The following MIPEP variants were observed in gnomAD, a reference collection of about 807,000 sequenced individuals.
The protein encoded by MIPEP is mitochondrial intermediate peptidase.
Under a neutral mutation model 90.3 loss-of-function variants are expected in MIPEP, and 79 were observed. That is an observed-to-expected ratio of 0.87 (90% confidence interval 0.73 to 1.05). MIPEP has a LOEUF of 1.05. MIPEP is among the 50% of genes least tolerant of loss of function. The probability of loss-of-function intolerance (pLI) is 0.00; values close to 1 mark genes in which losing one functional copy is unlikely to be tolerated. For synonymous variants in MIPEP, 334 were observed against 315.8 expected (o/e 1.06, Z -0.61); for missense variants, 940 against 905.6 (o/e 1.04, Z -0.49).
intron 16 of MIPEP, among the ~76,000 whole-genome samples, chr13:23,799,000 G>GTTTTTTTTTTTTT (rs765292524): frequency 1.1e-5 from 1 of 88,904 alleles, no homozygotes; most frequent in Non-Finnish European, 2.0e-5. Context: ...AATTTTTTTG[G>GTTTTTTTTTTTTT]TTTTTTTTTT....
intron 16 of MIPEP, among the ~76,000 whole-genome samples, chr13:23,770,415 G>A (rs1309067771): frequency 6.6e-6 from 1 of 152,104 alleles, no homozygotes; most frequent in Admixed American, 6.5e-5. Flanking sequence ...CTTCTCTGAT[G>A]AGTAAAAAAA....
intron 16 of MIPEP, among the ~76,000 whole-genome samples, chr13:23,772,475 C>G (rs890116934): frequency 6.6e-6 from 1 of 152,116 alleles, no homozygotes; most frequent in African/African-American, 2.4e-5. Flanking sequence ...AATAATGCTG[C>G]TGCGCTGAAG....
intron 1 of MIPEP, chr13:23,888,137 A>G (rs534191353): frequency 9.1e-6 from 4 of 439,764 alleles, no homozygotes; most frequent in South Asian, 1.7e-5. Context: ...AAAATTAGTT[A>G]TATCTCATCC....
At chr13:23,822,887 C>T (rs765974883) in intron 14 of MIPEP, among the ~76,000 whole-genome samples, 1 of 151,114 alleles carries the variant, frequency 6.6e-6, no homozygotes, top group Admixed American at 6.6e-5. Flanking sequence ...AGCATCTGGG[C>T]GCTTCTTTTT....
chr13:23,767,752 C>G (rs950240551), intron 16 of MIPEP, among the ~76,000 whole-genome samples: 1 of 151,972 alleles, frequency 6.6e-6, no homozygotes, highest in Non-Finnish European at 1.5e-5. Flanking sequence ...ACGCCTGGCC[C>G]TTTGTAAATA....
chr13:23,839,786 A>C, intron 11 of MIPEP, 60 bp from the exon 12 acceptor site: 1 of 1,220,882 alleles, frequency 8.2e-7, no homozygotes, highest in Non-Finnish European at 1.2e-6. Flanking sequence ...TAAAATCCCT[A>C]ACACAAGAAT....
chr13:23,866,702 C>T (rs1296375465), intron 7 of MIPEP, among the ~76,000 whole-genome samples: 1 of 152,170 alleles, frequency 6.6e-6, no homozygotes, highest in Non-Finnish European at 1.5e-5. Flanking sequence ...AGAGCGCAGT[C>T]CTTGGACTTG....
intron 5 of MIPEP, among the ~76,000 whole-genome samples, chr13:23,870,855 C>A (rs1870772603): frequency 6.6e-6 from 1 of 152,076 alleles, no homozygotes; most frequent in South Asian, 2.1e-4. Context: ...TGTAGTGAGC[C>A]TCCAGAAGGG....
intron 17 of MIPEP, among the ~76,000 whole-genome samples, chr13:23,759,843 A>T (rs1952521445): frequency 6.6e-6 from 1 of 152,126 alleles, no homozygotes; most frequent in East Asian, 1.9e-4. Context: ...GTTCCCTCAG[A>T]CACCACACAG....
At chr13:23,759,465 A>G (rs1357738435) in intron 17 of MIPEP, among the ~76,000 whole-genome samples, 1 of 115,190 alleles carries the variant, frequency 8.7e-6, no homozygotes, top group Non-Finnish European at 1.8e-5. Context: ...GATTCCCCAC[A>G]CCCCCAAGAC....
chr13:23,834,588 C>G (rs1041402133), intron 14 of MIPEP, among the ~76,000 whole-genome samples: 2 of 152,232 alleles, frequency 1.3e-5, no homozygotes, highest in Non-Finnish European at 2.9e-5. Context: ...GACTGAAGGG[C>G]CTCTCTGTCC....
chr13:23,806,086 A>G lies in MIPEP; in HGVS notation c.1729-17T>C, dbSNP rs1362648525. On this transcript the variant is annotated splice_polypyrimidine_tract_variant and intron_variant, in intron 15 of 18. Coordinates refer to ENST00000382172, the MANE Select transcript of MIPEP (RefSeq NM_005932.4). ...ATAAAAGACCTAGATAGATAAAAAC[A>G]TCTACTTAGTTTTGGTCGTCCATCC... 14 of 1,613,266 alleles carry G rather than the reference A, an allele frequency of 8.7e-6. No homozygotes were observed. The highest frequency in any genetic ancestry group is 1.2e-5 in the Non-Finnish European group (14 of 1,179,796).
intron 16 of MIPEP, among the ~76,000 whole-genome samples, chr13:23,761,297 C>A (rs533888552): frequency 2.0e-5 from 3 of 152,100 alleles, no homozygotes; most frequent in Non-Finnish European, 2.9e-5. Context: ...TTGTTTTGTA[C>A]AAGTTCATCA....
chr13:23,753,183 G>A (rs1243870446), intron 18 of MIPEP, among the ~76,000 whole-genome samples: 1 of 149,776 alleles, frequency 6.7e-6, no homozygotes, highest in Non-Finnish European at 1.5e-5. Flanking sequence ...AGGGGAGATC[G>A]TGCCACTGCA....
chr13:23,867,450 A>G (rs892462853), intron 7 of MIPEP, among the ~76,000 whole-genome samples: 1 of 151,932 alleles, frequency 6.6e-6, no homozygotes, highest in Admixed American at 6.6e-5. Flanking sequence ...AAACTCCAAC[A>G]CCAGCCTACA....
chr13:23,849,230 T>G (rs1477169272), intron 10 of MIPEP, among the ~76,000 whole-genome samples: 1 of 152,122 alleles, frequency 6.6e-6, no homozygotes, highest in Non-Finnish European at 1.5e-5. Context: ...AACATTTTCC[T>G]CTCTCATCTA....
intron 18 of MIPEP, among the ~76,000 whole-genome samples, chr13:23,752,267 A>G (rs758324378): frequency 6.6e-5 from 10 of 152,236 alleles, no homozygotes; most frequent in Non-Finnish European, 1.3e-4. Context: ...GAAAACTTGC[A>G]TGAGTAATAC....
At chr13:23,780,722 T>C (rs1446445972) in intron 16 of MIPEP, among the ~76,000 whole-genome samples, 1 of 152,120 alleles carries the variant, frequency 6.6e-6, no homozygotes, top group Non-Finnish European at 1.5e-5. Context: ...ATTAGACGAA[T>C]GGCTAACTAG....
At position 23,761,029 on chromosome 13, in the gene MIPEP, A is replaced by C. The variant is rs541718259; in HGVS notation, c.1849-812T>G. On this transcript the variant is annotated intron_variant, in intron 16 of 18. Coordinates refer to ENST00000382172, the MANE Select transcript of MIPEP (RefSeq NM_005932.4). ...AACCTTCCATGTTTTTACCATAATT[A>C]CATTTTATGACAAAACAAAAAGTCA... 1.8e-4 allele frequency among the ~76,000 whole-genome samples: 28 copies of C among 152,270 alleles called. No individual in the cohort carries two copies. The South Asian group carries it at 5.0e-3, about 27-fold the overall frequency.
Sources: gnomAD v4.1 joint callset for allele counts (sites outside exome capture counted in the v4.1 genomes callset) on GRCh38, gnomAD v4.1.1 for gene constraint, MANE v1.5 for transcripts, NCBI Gene and HGNC (gene_info 2026-07-23, HGNC 2026-07-21) for gene names.